DESI2: variants seen among roughly 807,000 people sequenced by gnomAD.
DESI2 encodes deubiquitinase DESI2.
In DESI2, 10 loss-of-function variants were observed where a neutral mutation model predicts 24.1. The observed-to-expected ratio is 0.41, with a 90% CI of 0.26 to 0.70. DESI2 has a LOEUF of 0.70. DESI2 is among the 30% of genes least tolerant of loss of function. The pLI, the probability that DESI2 is intolerant of heterozygous loss-of-function variation, is 0.29. For missense variants in DESI2, 122 were observed against 234.9 expected (o/e 0.52, Z 3.14); for synonymous variants, 71 against 87.7 (o/e 0.81, Z 1.06).
In DESI2 at chr1:244,689,675, A is replaced by T. The variant is rs1259797761; in HGVS notation, c.209+333A>T. 7.9e-5 allele frequency among the ~76,000 whole-genome samples: 12 copies of T among 151,924 alleles called. No homozygotes were observed. Among genetic ancestry groups the T allele is most frequent in the Admixed American group, 7.9e-4 (12 of 15,256 alleles). ...CAGGCGTGCACCACGACGTCCGGCTAATTTTTGTATTTTTAGTAGAGATGG... is the reference window on the plus strand; with the variant it reads ...CAGGCGTGCACCACGACGTCCGGCTTATTTTTGTATTTTTAGTAGAGATGG... On this transcript the variant is annotated intron_variant, in intron 3 of 4. Transcript: ENST00000302550. This position sits in a 1 kb window ranked among gnomAD's most constrained non-coding sequence, Gnocchi z 4.0.
At chr1:244,684,151 G>GT (rs1366205947) in intron 1 of DESI2, among the ~76,000 whole-genome samples, 2 of 151,996 alleles carry the variant, frequency 1.3e-5, no homozygotes, top group Non-Finnish European at 2.9e-5. Context: ...TATGCTTATG[G>GT]TTTTTTATAT....
intron 1 of DESI2, among the ~76,000 whole-genome samples, chr1:244,684,692 T>C (rs1471701193): frequency 2.0e-5 from 3 of 152,232 alleles, no homozygotes; most frequent in Non-Finnish European, 4.4e-5. Flanking sequence ...GCCATTTCTC[T>C]ATTGATATTT....
chr1:244,662,407 C>CG (rs1675880082), intron 1 of DESI2, among the ~76,000 whole-genome samples: 1 of 152,030 alleles, frequency 6.6e-6, no homozygotes, highest in African/African-American at 2.4e-5. Context: ...GATATATACC[C>CG]AGAAGTCCAT....
intron 1 of DESI2, among the ~76,000 whole-genome samples, chr1:244,658,618 C>G (rs779274764): frequency 1.3e-5 from 2 of 151,978 alleles, no homozygotes; most frequent in African/African-American, 4.8e-5. Context: ...TAGAAATATC[C>G]GCTCAATGAG....
chr1:244,656,472 TC>T (rs1675649875), intron 1 of DESI2: 1 of 152,208 alleles, frequency 6.6e-6, no homozygotes, highest in Non-Finnish European at 1.5e-5. Flanking sequence ...GTGATTATGT[TC>T]CTCTGTGTAC....
At chr1:244,684,968 A>G (rs1447496619) in intron 1 of DESI2, among the ~76,000 whole-genome samples, 3 of 152,212 alleles carry the variant, frequency 2.0e-5, no homozygotes, top group Non-Finnish European at 4.4e-5. Flanking sequence ...ACATAAAAAA[A>G]TGTAGCCTTC....
intron 1 of DESI2, among the ~76,000 whole-genome samples, chr1:244,682,687 A>C (rs1230866568): frequency 6.6e-6 from 1 of 152,230 alleles, no homozygotes; most frequent in East Asian, 1.9e-4. Context: ...CCATTGTGGC[A>C]TAAAAGCCAC....
chr1:244,686,522 G>C (rs1272107803), intron 1 of DESI2, 75 bp from the exon 2 acceptor site: 3 of 889,908 alleles, frequency 3.4e-6, no homozygotes, highest in Non-Finnish European at 3.7e-6. Flanking sequence ...AGACTGGGGA[G>C]CAGTCACTTC....
chr1:244,658,009 G>C (rs1042210350), intron 1 of DESI2, among the ~76,000 whole-genome samples: 1 of 152,066 alleles, frequency 6.6e-6, no homozygotes, highest in Non-Finnish European at 1.5e-5. Flanking sequence ...CAGTTTGATG[G>C]GAACCTATGA....
chr1:244,666,362 C>G lies in DESI2; in HGVS notation c.42+13007C>G, dbSNP rs1369384862. Among the ~76,000 whole-genome samples, 3 of 152,260 alleles carry G rather than the reference C, an allele frequency of 2.0e-5. No individual in the cohort carries two copies. In the East Asian group the frequency reaches 5.8e-4, roughly 29 times the overall value. ...CCTATCTATACAAGGACTTCTCTTTCAGAATTGTCACCACTCTTTTCTGCC... is the reference window on the plus strand; with the variant it reads ...CCTATCTATACAAGGACTTCTCTTTGAGAATTGTCACCACTCTTTTCTGCC... On this transcript the variant is annotated intron_variant, in intron 1 of 4. Transcript: ENST00000302550.
chr1:244,692,431 A>G (rs935944153), intron 4 of DESI2, among the ~76,000 whole-genome samples: 2 of 151,986 alleles, frequency 1.3e-5, no homozygotes, highest in African/African-American at 4.8e-5. Context: ...TTCTTCTGCT[A>G]ACATAACACA....
rs139886241 is a variant in DESI2 at position 244,669,009 on chromosome 1, C to A, written c.42+15654C>A. Among the ~76,000 whole-genome samples the A allele has an allele frequency of 3.0e-3, 450 of 152,066 alleles. 3 individuals are homozygous for A. The highest frequency in any genetic ancestry group is 0.01 in the African/African-American group (434 of 41,450). The stretch of plus-strand genomic sequence containing the variant: ...GCTTCTTAAAAATATTTTGAAAGGC[C>A]CTTTTTTGTGAGACAGGGTCTTACT... On this transcript the variant is annotated intron_variant, in intron 1 of 4. Transcript: ENST00000302550.
chr1:244,687,028 T>A (rs756513818), intron 2 of DESI2, among the ~76,000 whole-genome samples: 3 of 152,198 alleles, frequency 2.0e-5, no homozygotes, highest in Non-Finnish European at 2.9e-5. Context: ...GAAAATAGCA[T>A]GATAAAAACA....
At chr1:244,694,038 G>A (rs528675783) in intron 4 of DESI2, among the ~76,000 whole-genome samples, 1 of 152,302 alleles carries the variant, frequency 6.6e-6, no homozygotes, top group Admixed American at 6.5e-5. Context: ...TGACAACATA[G>A]TGTGGGGACG....
intron 1 of DESI2, among the ~76,000 whole-genome samples, chr1:244,665,338 C>G (rs986118056): frequency 6.6e-6 from 1 of 152,130 alleles, no homozygotes; most frequent in African/African-American, 2.4e-5. Flanking sequence ...ATCTGCGCTC[C>G]TAACTGTCAT....
chr1:244,686,405 C>T (rs1020367446), intron 1 of DESI2, among the ~76,000 whole-genome samples, 192 bp from the exon 2 acceptor site: 1 of 151,872 alleles, frequency 6.6e-6, no homozygotes, highest in African/African-American at 2.4e-5. Context: ...ACTCAAATCG[C>T]GACAATTATT....
chr1:244,678,441 A>G (rs1003526086), intron 1 of DESI2, among the ~76,000 whole-genome samples: 1 of 152,260 alleles, frequency 6.6e-6, no homozygotes, highest in African/African-American at 2.4e-5. Context: ...AAGGCAGAGA[A>G]TAAAAGATTT....
intron 4 of DESI2, among the ~76,000 whole-genome samples, chr1:244,701,887 TTA>T (rs1291133610): frequency 6.6e-6 from 1 of 152,226 alleles, no homozygotes; most frequent in African/African-American, 2.4e-5. Context: ...TTGGTTAATT[TTA>T]GTCTTTTGCT....
chr1:244,656,247 G>A (rs1478417522), intron 1 of DESI2: 1 of 152,102 alleles, frequency 6.6e-6, no homozygotes, highest in Non-Finnish European at 1.5e-5. Flanking sequence ...GTGTCTCTTT[G>A]TTAGATTGTC....
Sources: allele counts gnomAD v4.1 joint callset (sites outside exome capture counted in the v4.1 genomes callset), GRCh38; gene constraint gnomAD v4.1.1; non-coding constraint Gnocchi (gnomAD v3.1); transcripts MANE v1.5; gene names NCBI Gene and HGNC (gene_info 2026-07-23, HGNC 2026-07-21).